The following JAKMIP1 variants were observed in gnomAD, a reference collection of about 807,000 sequenced individuals.
JAKMIP1 encodes janus kinase and microtubule interacting protein 1, also known as janus kinase and microtubule-interacting protein 1.
In JAKMIP1, 33 loss-of-function variants were observed where a neutral mutation model predicts 113.0. The ratio of observed to expected loss-of-function variants is 0.29; its 90% CI spans 0.22 to 0.39. The LOEUF is 0.39. Ranked by LOEUF, JAKMIP1 falls within the 10% of genes least tolerant of loss-of-function variation. The probability of loss-of-function intolerance (pLI) is 1.00; values close to 1 mark genes in which losing one functional copy is unlikely to be tolerated. For missense variants in JAKMIP1, 813 were observed against 1,080.5 expected, an observed-to-expected ratio of 0.75 and a Z score of 3.47; for synonymous variants, 480 against 459.9, an observed-to-expected ratio of 1.04 and a Z score of -0.56.
At chr4:6,058,697 G>A (rs562402702) in intron 11 of JAKMIP1, among the ~76,000 whole-genome samples, 28 of 152,346 alleles carry the variant, frequency 1.8e-4, no homozygotes, top group South Asian at 4.1e-4. Flanking sequence ...ATGTGCTCTC[G>A]TGGCAGGACT....
rs1043098873 is a variant in JAKMIP1, at chr4:6,142,706, T to C, written c.-147-29709A>G. On this transcript the variant is annotated intron_variant, in intron 1 of 20. Coordinates refer to ENST00000409021, the MANE Select transcript of JAKMIP1 (RefSeq NM_001099433.2). The surrounding 1 kb of genome is among the most constrained non-coding windows in gnomAD (Gnocchi z 5.5). ...CCGCCACCCTGAGGTTTCCAGGAGA[T>C]GGCAATGGATGGGGTGCTCTGGCCC... Among the ~76,000 whole-genome samples the C allele has an allele frequency of 6.6e-6, 1 of 152,134 alleles. No individual in the cohort carries two copies. Among genetic ancestry groups the C allele is most frequent in the Non-Finnish European group, 1.5e-5 (1 of 68,020 alleles).
intron 16 of JAKMIP1, 61 bp downstream of exon 16, chr4:6,048,796 T>A (rs376145457): frequency 7.0e-6 from 10 of 1,421,504 alleles, no homozygotes; most frequent in Non-Finnish European, 8.9e-6. Flanking sequence ...ATGTACAGTT[T>A]CTTGTATGGT....
intron 3 of JAKMIP1, among the ~76,000 whole-genome samples, chr4:6,098,583 A>G (rs1712294428): frequency 6.8e-6 from 1 of 148,100 alleles, no homozygotes; most frequent in Non-Finnish European, 1.5e-5. Context: ...AGAAAGAAAG[A>G]AGGAAAGGAA....
chr4:6,133,756 T>C (rs1718848814), intron 1 of JAKMIP1, among the ~76,000 whole-genome samples: 1 of 152,196 alleles, frequency 6.6e-6, no homozygotes, highest in Non-Finnish European at 1.5e-5. Flanking sequence ...TGCCACACAG[T>C]TCCTGACATT....
intron 1 of JAKMIP1, among the ~76,000 whole-genome samples, chr4:6,172,766 T>TTGCCCAAGATGCCCCACCC (rs906842784): frequency 4.6e-5 from 7 of 152,146 alleles, no homozygotes; most frequent in African/African-American, 1.2e-4. Flanking sequence ...TGTGGCATCC[T>TTGCCCAAGATGCCCCACCC]TGCCCAAGAT....
At chr4:6,144,508 AT>A in intron 1 of JAKMIP1, among the ~76,000 whole-genome samples, 1 of 152,240 alleles carries the variant, frequency 6.6e-6, no homozygotes, top group African/African-American at 2.4e-5. Flanking sequence ...AAATCCTGCA[AT>A]ATATAAAAGA....
At position 6,172,637 on chromosome 4, in the gene JAKMIP1, G is replaced by A. The variant is rs9884215; in HGVS notation, c.-148+27616C>T. 2.9e-3 allele frequency among the ~76,000 whole-genome samples: 449 copies of A among 152,356 alleles called. 4 individuals are homozygous for A. The highest frequency in any genetic ancestry group is 0.01 in the African/African-American group (435 of 41,578). Reference sequence around the variant, plus strand: ...GGGGATGGGAGCCCCTAATGGCAGTGACCAAGGTCCCCAAAGTGACCTTCT... The same window carrying A: ...GGGGATGGGAGCCCCTAATGGCAGTAACCAAGGTCCCCAAAGTGACCTTCT... On this transcript the variant is annotated intron_variant, in intron 1 of 20. Transcript: ENST00000409021.
Position 6,058,496 on chromosome 4 carries a change from C to T in JAKMIP1, c.1645-1737G>A, listed in dbSNP as rs561422071. ...CTTATTTGGAAATGTTATTACTTCT[C>T]TAAGTCTTTTCGAAAGCAACTTCCT... On this transcript the variant is annotated intron_variant, in intron 11 of 20. Transcript: ENST00000409021. Among the ~76,000 whole-genome samples the T allele has an allele frequency of 1.1e-3, 168 of 152,330 alleles. 1 individual carries two copies. Among genetic ancestry groups the T allele is most frequent in the Non-Finnish European group, 1.2e-3 (80 of 68,026 alleles).
intron 1 of JAKMIP1, among the ~76,000 whole-genome samples, chr4:6,148,392 T>C (rs913315272): frequency 6.6e-6 from 1 of 152,176 alleles, no homozygotes; most frequent in Non-Finnish European, 1.5e-5. Context: ...CCTAAGCAAA[T>C]GAGGACTTCA....
At chr4:6,079,966 G>C (rs1472182765) in intron 7 of JAKMIP1, among the ~76,000 whole-genome samples, 1 of 152,232 alleles carries the variant, frequency 6.6e-6, no homozygotes, top group East Asian at 1.9e-4. Flanking sequence ...AAGTACCAGT[G>C]ATCTCATTTA....
intron 1 of JAKMIP1, among the ~76,000 whole-genome samples, chr4:6,132,992 A>G (rs1718719548): frequency 6.6e-6 from 1 of 152,198 alleles, no homozygotes; most frequent in Admixed American, 6.5e-5. Flanking sequence ...TGTTGACACA[A>G]TCTCTAAACT....
chr4:6,148,543 G>A (rs1029190536), intron 1 of JAKMIP1, among the ~76,000 whole-genome samples: 3 of 152,266 alleles, frequency 2.0e-5, no homozygotes, highest in African/African-American at 4.8e-5. Flanking sequence ...CCTTTTCAAG[G>A]TGGCAGGAGC....
chr4:6,114,328 G>C (rs73073485), intron 1 of JAKMIP1, among the ~76,000 whole-genome samples: 29 of 152,284 alleles, frequency 1.9e-4, no homozygotes, highest in African/African-American at 7.0e-4. Context: ...CTCCAACAGC[G>C]GGCAGCCCCA....
At position 6,184,848 on chromosome 4, in the gene JAKMIP1, G is replaced by A. The variant is rs1052949122; in HGVS notation, c.-148+15405C>T. Among the ~76,000 whole-genome samples the A allele has an allele frequency of 6.6e-6, 1 of 152,240 alleles. No homozygotes were observed. Among genetic ancestry groups the A allele is most frequent in the Non-Finnish European group, 1.5e-5 (1 of 68,046 alleles). On this transcript the variant is annotated intron_variant, in intron 1 of 20. Transcript: ENST00000409021. The surrounding 1 kb of genome is among the most constrained non-coding windows in gnomAD (Gnocchi z 4.5). ...AGATTCACATTTCAGTCAGTGGACT[G>A]GGAGAGGCAGACCTGCCCTCGGTGT... is the stretch of plus-strand genomic sequence containing the variant.
Position 6,064,536 on chromosome 4 carries a change from C to G in JAKMIP1, c.1431+344G>C, listed in dbSNP as rs958000767. 6.6e-6 allele frequency among the ~76,000 whole-genome samples: 1 copy of G among 152,138 alleles called. No individual in the cohort carries two copies. Among genetic ancestry groups the G allele is most frequent in the Non-Finnish European group, 1.5e-5 (1 of 68,034 alleles). On this transcript the variant is annotated intron_variant, in intron 9 of 20. Coordinates refer to ENST00000409021, the MANE Select transcript of JAKMIP1 (RefSeq NM_001099433.2). The surrounding 1 kb of genome is among the most constrained non-coding windows in gnomAD (Gnocchi z 4.3). ...CACATGCGTGGGGACCAGGGAGAGA[C>G]CATTACGCAGCAGTTTTAATTGCAA...
At chr4:6,092,515 T>C (rs933990417) in intron 3 of JAKMIP1, among the ~76,000 whole-genome samples, 2 of 152,210 alleles carry the variant, frequency 1.3e-5, no homozygotes, top group Non-Finnish European at 2.9e-5. Flanking sequence ...TTTTAAGCCA[T>C]TGAGAGAACA....
At chr4:6,098,823 C>T (rs894953296) in intron 3 of JAKMIP1, among the ~76,000 whole-genome samples, 1 of 152,122 alleles carries the variant, frequency 6.6e-6, no homozygotes, top group African/African-American at 2.4e-5. Context: ...TGGCTCCTGC[C>T]GCTTCCTGAT....
At chr4:6,026,490 G>A (rs1161628332) in intron 20 of JAKMIP1, among the ~76,000 whole-genome samples, 1 of 152,084 alleles carries the variant, frequency 6.6e-6, no homozygotes, top group Non-Finnish European at 1.5e-5. Flanking sequence ...CTCAGGGTGG[G>A]TTATCCCGAC....
intron 18 of JAKMIP1, among the ~76,000 whole-genome samples, chr4:6,036,723 C>A (rs1017442639): frequency 6.6e-6 from 1 of 152,238 alleles, no homozygotes; most frequent in Non-Finnish European, 1.5e-5. Flanking sequence ...GTTTTCACAG[C>A]AAGACACTTA....
Sources: gnomAD v4.1 joint callset for allele counts (sites outside exome capture counted in the v4.1 genomes callset) on GRCh38, gnomAD v4.1.1 for gene constraint, Gnocchi (gnomAD v3.1) non-coding constraint, MANE v1.5 for transcripts, NCBI Gene and HGNC (gene_info 2026-07-23, HGNC 2026-07-21) for gene names.